Variants in RGS9 observed in about 807,000 individuals in gnomAD.
RGS9 encodes the protein regulator of G protein signaling 9.
RGS9 carries 78 observed loss-of-function variants against 102.0 expected under a neutral mutation model. The ratio of observed to expected loss-of-function variants is 0.76; its 90% CI spans 0.64 to 0.92. The LOEUF (loss-of-function observed/expected upper bound fraction) is 0.92, where lower values mean the gene tolerates loss of function less well. Ranked by LOEUF, RGS9 falls within the 40% of genes least tolerant of loss-of-function variation. The probability of loss-of-function intolerance (pLI) is 0.00; values close to 1 mark genes in which losing one functional copy is unlikely to be tolerated. For synonymous variants in RGS9, 353 were observed against 318.6 expected, an observed-to-expected ratio of 1.11 and a Z score of -1.15; for missense variants, 833 against 866.1, an observed-to-expected ratio of 0.96 and a Z score of 0.48.
chr17:65,227,130 T>C lies in RGS9; in HGVS notation c.1893-145T>C, dbSNP rs865862120. 32 of 968,794 alleles carry C rather than the reference T, an allele frequency of 3.3e-5. No homozygotes were observed. In the African/African-American group the frequency reaches 4.7e-4, roughly 14 times the overall value. The allele number at this position is 968,794 out of a possible 1,614,324, so 60.0% of individuals were successfully genotyped here. ...ACACAACCTTTGTAGTCAAATGCTC[T>C]ACCCCTGAGCTATACCTGCCCCCAC... On this transcript the variant is annotated intron_variant, in intron 18 of 18. Transcript: ENST00000262406.
intron 1 of RGS9, among the ~76,000 whole-genome samples, chr17:65,146,365 G>A (rs451403): frequency 0.15 from 22,084 of 149,230 alleles, 1,899 homozygotes; most frequent in Middle Eastern, 0.33. Flanking sequence ...CAAGGTGGGC[G>A]GATCACGAGG....
chr17:65,166,974 C>T (rs894912248), intron 7 of RGS9, among the ~76,000 whole-genome samples: 3 of 152,130 alleles, frequency 2.0e-5, no homozygotes, highest in Admixed American at 6.5e-5. Context: ...ATGAATTCGC[C>T]GACTCTGTCT....
rs557567568 is a variant in RGS9, at chr17:65,142,573, T to C, written c.57+4976T>C. 2.4e-4 allele frequency among the ~76,000 whole-genome samples: 34 copies of C among 142,374 alleles called. No individual in the cohort carries two copies. In the East Asian group the frequency reaches 4.9e-3, roughly 21 times the overall value. 93.4% of individuals were successfully genotyped at this position (142,374 alleles called of 152,430 possible). On this transcript the variant is annotated intron_variant, in intron 1 of 18. Transcript: ENST00000262406. ...ATGCCACTGTTTTTCTCCCTTCCTT[T>C]CTTTTTTTTTTTTTTTTGTTTGTTT...
chr17:65,157,919 A>ATGTG (rs149306337), intron 2 of RGS9, among the ~76,000 whole-genome samples: 125 of 150,790 alleles, frequency 8.3e-4, no homozygotes, highest in African/African-American at 2.7e-3. Context: ...GTGTGTGTGT[A>ATGTG]TGTGTGTGTG....
intron 8 of RGS9, among the ~76,000 whole-genome samples, chr17:65,175,637 A>G (rs1226421039): frequency 6.6e-6 from 1 of 152,122 alleles, no homozygotes. Context: ...AGTGCCCCAT[A>G]GATATTTGCT....
chr17:65,221,152 G>A (rs1361556729), intron 17 of RGS9, among the ~76,000 whole-genome samples: 1 of 152,206 alleles, frequency 6.6e-6, no homozygotes, highest in Non-Finnish European at 1.5e-5. Flanking sequence ...CTCAGGCCAG[G>A]TAAGTGGCCA....
chr17:65,179,507 C>A (rs1567874932), intron 9 of RGS9, among the ~76,000 whole-genome samples: 1 of 151,922 alleles, frequency 6.6e-6, no homozygotes, highest in Non-Finnish European at 1.5e-5. Context: ...GGCTAACTAG[C>A]AGCTCTGGAA....
At chr17:65,181,978 T>C (rs1911902138) in intron 9 of RGS9, among the ~76,000 whole-genome samples, 2 of 152,324 alleles carry the variant, frequency 1.3e-5, no homozygotes, top group South Asian at 4.1e-4. Context: ...GTTAGGGTGC[T>C]GTACCTAGCC....
intron 15 of RGS9, among the ~76,000 whole-genome samples, 186 bp from the exon 16 acceptor site, chr17:65,207,736 T>G (rs558571720): frequency 6.6e-6 from 1 of 152,198 alleles, no homozygotes; most frequent in South Asian, 2.1e-4. Flanking sequence ...AATTGATGCT[T>G]CTGGAGGGGA....
At chr17:65,137,688 C>T in intron 1 of RGS9, 91 bp downstream of exon 1, 3 of 1,193,436 alleles carry the variant, frequency 2.5e-6, no homozygotes, top group Non-Finnish European at 3.7e-6. Context: ...GAGTGGAGAG[C>T]ACCCCTTTGG....
chr17:65,197,718 G>A (rs1447757650), intron 13 of RGS9, among the ~76,000 whole-genome samples: 1 of 150,982 alleles, frequency 6.6e-6, no homozygotes, highest in Non-Finnish European at 1.5e-5. Context: ...CGCCCAGCCT[G>A]GAGTGCAGTG....
intron 11 of RGS9, among the ~76,000 whole-genome samples, chr17:65,191,392 T>C (rs1221008509): frequency 6.6e-6 from 1 of 151,904 alleles, no homozygotes; most frequent in African/African-American, 2.4e-5. Context: ...GTTGTTGTTG[T>C]TTTTTACCTC....
chr17:65,199,569 C>T (rs1912739774), intron 13 of RGS9, among the ~76,000 whole-genome samples: 2 of 144,014 alleles, frequency 1.4e-5, no homozygotes, highest in African/African-American at 5.2e-5. Context: ...TCTCATCTCA[C>T]TGCAACTTCT....
At chr17:65,180,214 C>T (rs1911819569) in intron 9 of RGS9, among the ~76,000 whole-genome samples, 1 of 152,180 alleles carries the variant, frequency 6.6e-6, no homozygotes, top group Non-Finnish European at 1.5e-5. Context: ...TTGCCAAGAG[C>T]ATGAAGCATC....
At chr17:65,143,287 C>T (rs896623775) in intron 1 of RGS9, among the ~76,000 whole-genome samples, 11 of 152,082 alleles carry the variant, frequency 7.2e-5, no homozygotes, top group Non-Finnish European at 1.3e-4. Context: ...GTTGATGGGG[C>T]CACTGTTGAG....
At chr17:65,186,119 T>C (rs1912105440) in intron 9 of RGS9, among the ~76,000 whole-genome samples, 1 of 152,198 alleles carries the variant, frequency 6.6e-6, no homozygotes, top group Non-Finnish European at 1.5e-5. Flanking sequence ...CTGGTACTTG[T>C]ATTTTGTCTT....
In RGS9 at chr17:65,225,233, GC is replaced by G; in HGVS notation, c.1645del (p.Arg549ValfsTer38). The G allele has an allele frequency of 6.8e-6, 11 of 1,611,058 alleles. No individual in the cohort carries two copies. The highest frequency in any genetic ancestry group is 6.8e-6 in the Non-Finnish European group (8 of 1,179,958). ...EQKGECSGSM[A>X]PRGPSVTESS... ...GAAAGGGGAGTGCAGCGGGTCCATG[GC>G]CCCCCGTGGGCCCTCTGTCACCGAG... On this transcript the variant is annotated frameshift_variant, in exon 18 of 19. Transcript: ENST00000262406. LOFTEE classifies it high-confidence loss of function.
intron 17 of RGS9, among the ~76,000 whole-genome samples, chr17:65,214,526 G>A (rs145656522): frequency 7.2e-4 from 110 of 152,324 alleles, no homozygotes; most frequent in African/African-American, 2.4e-3. Flanking sequence ...TGGAGGAGGC[G>A]TGCTTGAGGT....
chr17:65,198,993 C>T (rs531812675), intron 13 of RGS9, among the ~76,000 whole-genome samples: 215 of 152,290 alleles, frequency 1.4e-3, no homozygotes, highest in African/African-American at 5.0e-3. Context: ...ATCTCCCCCC[C>T]ACTAATTCCT....
Sources: allele counts gnomAD v4.1 joint callset (sites outside exome capture counted in the v4.1 genomes callset), GRCh38; gene constraint gnomAD v4.1.1; transcripts MANE v1.5; gene names NCBI Gene and HGNC (gene_info 2026-07-23, HGNC 2026-07-21).